The following RBFOX1 variants were observed in gnomAD, a reference collection of about 807,000 sequenced individuals.
RBFOX1 encodes RNA binding protein fox-1 homolog 1.
Under a neutral mutation model 57.7 loss-of-function variants are expected in RBFOX1, and 8 were observed. The ratio of observed to expected loss-of-function variants is 0.14; its 90% CI spans 0.08 to 0.25. RBFOX1 has a LOEUF of 0.25. Among genes scored for constraint, RBFOX1 ranks in the 10% least tolerant of loss-of-function variants. RBFOX1 has a pLI of 1.00. For missense variants in RBFOX1, 611 were observed against 548.5 expected (o/e 1.11, Z -1.14); for synonymous variants, 326 against 222.4 (o/e 1.47, Z -4.15).
At chr16:7,268,524 TGAG>T (rs2095235528) in intron 4 of RBFOX1, among the ~76,000 whole-genome samples, 1 of 152,176 alleles carries the variant, frequency 6.6e-6, no homozygotes, top group African/African-American at 2.4e-5. Context: ...TATGTTCTAA[TGAG>T]GAGTTTGAAT....
chr16:7,561,644 C>A (rs765964167), intron 5 of RBFOX1, among the ~76,000 whole-genome samples: 1 of 152,110 alleles, frequency 6.6e-6, no homozygotes, highest in Admixed American at 6.5e-5. Flanking sequence ...CCCAGTAGTC[C>A]TAGAACAAAA....
intron 13 of RBFOX1, among the ~76,000 whole-genome samples, chr16:7,676,260 G>A (rs1311483698): frequency 6.6e-6 from 1 of 152,152 alleles, no homozygotes; most frequent in Non-Finnish European, 1.5e-5. Flanking sequence ...AACATTAGTG[G>A]TTTAACAACC....
chr16:6,928,790 G>GA (rs2076048816), intron 3 of RBFOX1, among the ~76,000 whole-genome samples: 1 of 152,148 alleles, frequency 6.6e-6, no homozygotes, highest in East Asian at 1.9e-4. Flanking sequence ...TTTCCGCTAT[G>GA]AAAAGACATA....
At chr16:5,336,447 C>G (rs1160460564) in intron 1 of RBFOX1, among the ~76,000 whole-genome samples, 2 of 152,142 alleles carry the variant, frequency 1.3e-5, no homozygotes, top group African/African-American at 4.8e-5. Context: ...ACTTCCGTTG[C>G]CGAGGATTGA....
At chr16:6,822,775 C>T (rs1056114854) in intron 3 of RBFOX1, among the ~76,000 whole-genome samples, 6 of 152,180 alleles carry the variant, frequency 3.9e-5, no homozygotes, top group African/African-American at 1.2e-4. Flanking sequence ...ACCTATGGGA[C>T]AAGCGCGAGT....
At chr16:7,423,081 G>A (rs983565970) in intron 4 of RBFOX1, 1 of 121,194 alleles carries the variant, frequency 8.3e-6, no homozygotes, top group East Asian at 2.4e-4. Context: ...AGGAGAGAGA[G>A]AATGAGGGAG....
At chr16:5,397,353 G>C (rs998562580) in intron 1 of RBFOX1, among the ~76,000 whole-genome samples, 1 of 152,186 alleles carries the variant, frequency 6.6e-6, no homozygotes, top group African/African-American at 2.4e-5. Context: ...TGGGCTCTGA[G>C]TGCTGGGATC....
chr16:5,296,034 C>T (rs770485666), intron 1 of RBFOX1, among the ~76,000 whole-genome samples: 1 of 151,790 alleles, frequency 6.6e-6, no homozygotes, highest in Non-Finnish European at 1.5e-5. Flanking sequence ...TACTGGTCAT[C>T]GGTCTCCTGC....
chr16:7,648,543 G>C (rs371675715), intron 11 of RBFOX1, among the ~76,000 whole-genome samples: 61 of 152,306 alleles, frequency 4.0e-4, no homozygotes, highest in Admixed American at 1.2e-3. Context: ...TTCTAATAAA[G>C]ATGGGAAGAA....
At chr16:7,042,463 CT>C (rs1303770404) in intron 3 of RBFOX1, among the ~76,000 whole-genome samples, 1 of 152,170 alleles carries the variant, frequency 6.6e-6, no homozygotes, top group Non-Finnish European at 1.5e-5. Context: ...GTTTTTCCAC[CT>C]GTAAAATGGA....
At chr16:5,305,031 G>A (rs1411864514) in intron 1 of RBFOX1, among the ~76,000 whole-genome samples, 1 of 152,084 alleles carries the variant, frequency 6.6e-6, no homozygotes, top group Non-Finnish European at 1.5e-5. Flanking sequence ...TCACAGGTAG[G>A]TTTTCATCCA....
chr16:6,478,429 A>ATATTTTTTTTTT (rs1159954387), intron 2 of RBFOX1, among the ~76,000 whole-genome samples: 3 of 24,610 alleles, frequency 1.2e-4, no homozygotes, highest in Non-Finnish European at 2.3e-4. Context: ...ATATATATAT[A>ATATTTTTTTTTT]TTTTTTTTTT....
At chr16:6,313,756 A>G (rs1226479441) in intron 1 of RBFOX1, among the ~76,000 whole-genome samples, 1 of 151,774 alleles carries the variant, frequency 6.6e-6, no homozygotes, top group East Asian at 1.9e-4. Context: ...GGGACCTGAG[A>G]TTCTCCCTGG....
intron 2 of RBFOX1, chr16:5,598,830 A>C (rs2047271811): frequency 8.6e-7 from 1 of 1,166,622 alleles, no homozygotes; most frequent in Admixed American, 2.7e-5. Context: ...AAACTGGGTT[A>C]CTCAAGGTTA....
At position 6,413,843 on chromosome 16, in the gene RBFOX1, G is replaced by A. The variant is rs1484465100; in HGVS notation, c.-64+96786G>A. On this transcript the variant is annotated intron_variant, in intron 2 of 15. Coordinates refer to ENST00000550418, the MANE Select transcript of RBFOX1 (RefSeq NM_018723.4). ...CCTGCATGTTCTTTTTTGTTGGGGG[G>A]AACTATGGCGACAACTAAAGGCTGA... Among the ~76,000 whole-genome samples, 5 of 152,206 alleles carry A rather than the reference G, an allele frequency of 3.3e-5. No individual in the cohort carries two copies. In the East Asian group the frequency reaches 7.7e-4, roughly 24 times the overall value.
chr16:7,073,021 A>C (rs1250229888), intron 4 of RBFOX1, among the ~76,000 whole-genome samples: 3 of 152,184 alleles, frequency 2.0e-5, no homozygotes, highest in African/African-American at 7.2e-5. Flanking sequence ...GTGAGTCCTC[A>C]CAGGGAGGGT....
At position 6,674,730 on chromosome 16, in the gene RBFOX1, A is replaced by G. The variant is rs575360845; in HGVS notation, c.-16+20080A>G. 3.3e-5 allele frequency among the ~76,000 whole-genome samples: 5 copies of G among 152,306 alleles called. No individual in the cohort carries two copies. In the South Asian group the frequency reaches 1.0e-3, roughly 32 times the overall value. On this transcript the variant is annotated intron_variant, in intron 3 of 15. Transcript: ENST00000550418. Reference sequence around the variant, plus strand: ...GACTGGAGAGATGCACATACAAGCCAAGGAGCACGAGGGGTGCTGGCCACC... The same window carrying G: ...GACTGGAGAGATGCACATACAAGCCGAGGAGCACGAGGGGTGCTGGCCACC...
At chr16:6,839,850 A>G (rs1396586222) in intron 3 of RBFOX1, among the ~76,000 whole-genome samples, 1 of 152,208 alleles carries the variant, frequency 6.6e-6, no homozygotes, top group East Asian at 1.9e-4. Flanking sequence ...CTCTGTTCTT[A>G]CGTGATATTT....
chr16:7,070,166 T>A (rs538655130), intron 4 of RBFOX1, among the ~76,000 whole-genome samples: 1 of 152,272 alleles, frequency 6.6e-6, no homozygotes, highest in African/African-American at 2.4e-5. Flanking sequence ...GTTAAAAAAC[T>A]TGAGTTTGGC....
Sources: gnomAD v4.1 joint callset for allele counts (sites outside exome capture counted in the v4.1 genomes callset) on GRCh38, gnomAD v4.1.1 for gene constraint, MANE v1.5 for transcripts, NCBI Gene and HGNC (gene_info 2026-07-23, HGNC 2026-07-21) for gene names.